Variants in AKAP6 observed in about 807,000 individuals in gnomAD.
AKAP6 encodes A-kinase anchoring protein 6.
Under a neutral mutation model 188.5 loss-of-function variants are expected in AKAP6, and 58 were observed. The ratio of observed to expected loss-of-function variants is 0.31; its 90% CI spans 0.25 to 0.38. The LOEUF is 0.38. Ranked by LOEUF, AKAP6 falls within the 10% of genes least tolerant of loss-of-function variation. The pLI, the probability that AKAP6 is intolerant of heterozygous loss-of-function variation, is 1.00. For synonymous variants in AKAP6, 989 were observed against 998.6 expected, an observed-to-expected ratio of 0.99 and a Z score of 0.18; for missense variants, 2,710 against 2,740.0, an observed-to-expected ratio of 0.99 and a Z score of 0.24.
chr14:32,802,044 C>A (rs1424795522), intron 12 of AKAP6, among the ~76,000 whole-genome samples: 3 of 152,158 alleles, frequency 2.0e-5, no homozygotes, highest in Non-Finnish European at 4.4e-5. Context: ...TTGAAATACT[C>A]TCAACCATTT....
At chr14:32,430,573 G>C (rs1343528700) in intron 1 of AKAP6, among the ~76,000 whole-genome samples, 5 of 152,160 alleles carry the variant, frequency 3.3e-5, no homozygotes, top group Admixed American at 3.3e-4. Flanking sequence ...GTATGTGTCA[G>C]TGTAGCTTAA....
intron 8 of AKAP6, among the ~76,000 whole-genome samples, chr14:32,685,724 CAAAA>C (rs71115091): frequency 1.9e-4 from 16 of 86,196 alleles, no homozygotes; most frequent in African/African-American, 6.7e-4. Flanking sequence ...GACTCCATCT[CAAAA>C]AAAAAAAAAA....
In AKAP6 at chr14:32,824,769, G is replaced by A. The variant is rs1480482371; in HGVS notation, c.6956G>A (p.Arg2319Lys). The change falls in exon 13 of 14, where the codon AGG (arginine) becomes AAG (lysine). Residue 2319 changes from arginine to lysine, a missense_variant. Arg to Lys is a conservative substitution (Grantham distance 26). Coordinates refer to ENST00000280979, the MANE Select transcript of AKAP6 (RefSeq NM_004274.5). The part of the protein sequence containing the change: ...LHEKRHRNMH[R>K] ...GAAAAACGACATAGAAATATGCATAGGTAGAATGTACCCCCTCCCCAAGCA... is the reference window on the plus strand; with the variant it reads ...GAAAAACGACATAGAAATATGCATAAGTAGAATGTACCCCCTCCCCAAGCA... The A allele has an allele frequency of 2.5e-6, 4 of 1,609,880 alleles. No individual in the cohort carries two copies. Among genetic ancestry groups the A allele is most frequent in the East Asian group, 4.5e-5 (2 of 44,864 alleles).
chr14:32,473,031 T>G (rs1167377197), intron 2 of AKAP6, among the ~76,000 whole-genome samples: 2 of 152,180 alleles, frequency 1.3e-5, no homozygotes, highest in African/African-American at 4.8e-5. Context: ...GCCCAGAAGC[T>G]CACCCAAACA....
rs1457075724 is a variant in AKAP6 at position 32,545,254 on chromosome 14, G to A, written c.601G>A (p.Val201Met). ...GGGCCGGCTTGATTCTCTAACAGAA[G>A]TGGATGACTCAGGACAATTAACCAT... is the stretch of plus-strand genomic sequence containing the variant. ...KEGRLDSLTE[V>M]DDSGQLTIKC... Residue 201 changes from valine to methionine, a missense_variant, in exon 4 of 14, where the codon GTG becomes ATG. Physicochemically the swap from Val to Met is conservative, Grantham distance 21. Around this residue, in one of 2 missense-constraint regions of AKAP6, gnomAD observed 237 missense variants for 313.9 expected, o/e 0.76. Transcript: ENST00000280979. 1 of 1,613,658 alleles carries A rather than the reference G, an allele frequency of 6.2e-7. No individual in the cohort carries two copies. Among genetic ancestry groups the A allele is most frequent in the South Asian group, 1.1e-5 (1 of 91,056 alleles).
chr14:32,459,830 C>A (rs61981159), intron 2 of AKAP6, among the ~76,000 whole-genome samples: 4 of 151,266 alleles, frequency 2.6e-5, no homozygotes, highest in Admixed American at 6.6e-5. Flanking sequence ...CATAGAACTT[C>A]AGGTATAAAG....
At chr14:32,341,574 C>T (rs1342625186) in intron 1 of AKAP6, among the ~76,000 whole-genome samples, 1 of 152,190 alleles carries the variant, frequency 6.6e-6, no homozygotes. Context: ...GGATTGAATT[C>T]TGCTTCTATA....
intron 2 of AKAP6, among the ~76,000 whole-genome samples, chr14:32,504,523 C>T (rs892473470): frequency 1.3e-5 from 2 of 152,092 alleles, no homozygotes; most frequent in African/African-American, 4.8e-5. Context: ...CAAGTAATCT[C>T]CCCACCTCGG....
intron 2 of AKAP6, among the ~76,000 whole-genome samples, chr14:32,440,634 T>C (rs117656527): frequency 0.03 from 4,593 of 152,282 alleles, 111 homozygotes; most frequent in Non-Finnish European, 0.045. Flanking sequence ...TTGGAACATA[T>C]TATGCAAGGA....
At chr14:32,466,739 C>CAAA (rs71432057) in intron 2 of AKAP6, among the ~76,000 whole-genome samples, 2 of 106,134 alleles carry the variant, frequency 1.9e-5, no homozygotes, top group South Asian at 3.3e-4. Flanking sequence ...ACTTAAAGTT[C>CAAA]AAAAAAAAAA....
At chr14:32,400,754 A>G (rs892868649) in intron 1 of AKAP6, among the ~76,000 whole-genome samples, 3 of 151,968 alleles carry the variant, frequency 2.0e-5, no homozygotes, top group Non-Finnish European at 4.4e-5. Context: ...GTGCATCTGA[A>G]TCTCCTGGAA....
At chr14:32,649,121 T>C (rs903847329) in intron 7 of AKAP6, among the ~76,000 whole-genome samples, 1 of 152,150 alleles carries the variant, frequency 6.6e-6, no homozygotes, top group Non-Finnish European at 1.5e-5. Context: ...AATTTAATTC[T>C]CTGTCTTCTC....
chr14:32,346,126 A>T, intron 1 of AKAP6, among the ~76,000 whole-genome samples: 1 of 152,078 alleles, frequency 6.6e-6, no homozygotes, highest in Non-Finnish European at 1.5e-5. Context: ...ACTACTCTAG[A>T]GCATTAGTGG....
intron 2 of AKAP6, among the ~76,000 whole-genome samples, chr14:32,462,805 T>G (rs1891373600): frequency 6.6e-6 from 1 of 151,158 alleles, no homozygotes; most frequent in South Asian, 2.1e-4. Context: ...CCAAGACCTA[T>G]TGGTGTGCTG....
chr14:32,466,279 A>G lies in AKAP6; in HGVS notation c.324+32462A>G, dbSNP rs1431574863. On this transcript the variant is annotated intron_variant, in intron 2 of 13. Coordinates refer to ENST00000280979, the MANE Select transcript of AKAP6 (RefSeq NM_004274.5). ...CTTGTATAGAGATGCATGCACATGT[A>G]TGTTTACTGCAGCACTATTTACAAT... is the stretch of plus-strand genomic sequence containing the variant. Among the ~76,000 whole-genome samples, 3 of 152,216 alleles carry G rather than the reference A, an allele frequency of 2.0e-5. No homozygotes were observed. In the East Asian group the frequency reaches 5.8e-4, roughly 29 times the overall value.
chr14:32,677,133 C>T (rs373306760), intron 7 of AKAP6, among the ~76,000 whole-genome samples: 5 of 152,290 alleles, frequency 3.3e-5, no homozygotes, highest in South Asian at 4.1e-4. Flanking sequence ...GCCTGCAAGA[C>T]CTCATTTTTC....
At chr14:32,694,416 G>T (rs1407913223) in intron 8 of AKAP6, among the ~76,000 whole-genome samples, 1 of 150,836 alleles carries the variant, frequency 6.6e-6, no homozygotes, top group African/African-American at 2.4e-5. Flanking sequence ...GCCAACACTT[G>T]TTAGAAATGA....
intron 7 of AKAP6, among the ~76,000 whole-genome samples, chr14:32,651,031 C>T (rs935725817): frequency 1.3e-5 from 2 of 152,122 alleles, no homozygotes; most frequent in Non-Finnish European, 2.9e-5. Flanking sequence ...GATTGAAATA[C>T]AGAGAGACAA....
intron 11 of AKAP6, among the ~76,000 whole-genome samples, chr14:32,740,834 T>G (rs1358221479): frequency 6.6e-6 from 1 of 152,050 alleles, no homozygotes; most frequent in Non-Finnish European, 1.5e-5. Context: ...CAGGATAGCT[T>G]TAGCTATTCT....
Sources: gnomAD v4.1 joint callset for allele counts (sites outside exome capture counted in the v4.1 genomes callset) on GRCh38, gnomAD v4.1.1 for gene constraint, gnomAD v4.1.1 regional missense constraint, MANE v1.5 for transcripts, NCBI Gene and HGNC (gene_info 2026-07-23, HGNC 2026-07-21) for gene names.